The following GHR variants were observed in gnomAD, a reference collection of about 807,000 sequenced individuals.
The protein encoded by GHR is growth hormone receptor.
Under a neutral mutation model 67.1 loss-of-function variants are expected in GHR, and 35 were observed. That is an observed-to-expected ratio of 0.52 (90% CI 0.40 to 0.69). GHR has a LOEUF of 0.69. GHR is among the 30% of genes least tolerant of loss of function. The pLI, the probability that GHR is intolerant of heterozygous loss-of-function variation, is 0.00. For missense variants in GHR, 792 were observed against 764.6 expected (o/e 1.04, Z -0.42); for synonymous variants, 272 against 269.1 (o/e 1.01, Z -0.10).
chr5:42,503,420 G>C (rs892980025), intron 1 of GHR, among the ~76,000 whole-genome samples: 26 of 152,180 alleles, frequency 1.7e-4, no homozygotes, highest in African/African-American at 6.3e-4. Flanking sequence ...ATTCATCCTG[G>C]ATTTTAAGGT....
intron 1 of GHR, among the ~76,000 whole-genome samples, chr5:42,482,331 G>T (rs1027086185): frequency 6.6e-6 from 1 of 152,186 alleles, no homozygotes; most frequent in Non-Finnish European, 1.5e-5. Context: ...AGGGGTCAGG[G>T]ACCCACTTGA....
intron 1 of GHR, among the ~76,000 whole-genome samples, chr5:42,448,008 C>A (rs1427994419): frequency 6.6e-6 from 1 of 151,976 alleles, no homozygotes; most frequent in African/African-American, 2.4e-5. Flanking sequence ...GTGATCCACC[C>A]ACCTCAGTCT....
At chr5:42,678,967 T>C (rs1302083334) in intron 3 of GHR, among the ~76,000 whole-genome samples, 1 of 147,076 alleles carries the variant, frequency 6.8e-6, no homozygotes, top group Non-Finnish European at 1.5e-5. Context: ...TAAATGTAAA[T>C]ATATATTTAT....
At chr5:42,696,010 C>A (rs1757655769) in intron 5 of GHR, among the ~76,000 whole-genome samples, 1 of 152,148 alleles carries the variant, frequency 6.6e-6, no homozygotes, top group South Asian at 2.1e-4. Flanking sequence ...CTGTATCAAG[C>A]AGTAAAGATA....
chr5:42,653,080 A>G (rs1364029621), intron 3 of GHR, among the ~76,000 whole-genome samples: 2 of 152,150 alleles, frequency 1.3e-5, no homozygotes, highest in Admixed American at 6.5e-5. Flanking sequence ...ACCATATACT[A>G]AAAGATGTCA....
intron 2 of GHR, among the ~76,000 whole-genome samples, chr5:42,577,688 T>C (rs1047639302): frequency 1.3e-5 from 2 of 152,216 alleles, no homozygotes; most frequent in Non-Finnish European, 2.9e-5. Flanking sequence ...GCTGAACTTA[T>C]ACATTTTGTA....
At chr5:42,654,943 A>T (rs900481674) in intron 3 of GHR, among the ~76,000 whole-genome samples, 1 of 152,052 alleles carries the variant, frequency 6.6e-6, no homozygotes, top group African/African-American at 2.4e-5. Context: ...GTAAATTATC[A>T]TGGCCTTGAA....
intron 3 of GHR, among the ~76,000 whole-genome samples, chr5:42,650,204 CAA>C (rs1171612604): frequency 2.0e-5 from 3 of 152,174 alleles, no homozygotes; most frequent in South Asian, 2.1e-4. Context: ...TGATGTTGCT[CAA>C]AGTCACATAA....
At chr5:42,455,981 G>T (rs1226506586) in intron 1 of GHR, among the ~76,000 whole-genome samples, 1 of 152,174 alleles carries the variant, frequency 6.6e-6, no homozygotes, top group East Asian at 1.9e-4. Context: ...TTCAACTTTG[G>T]CTGTATATTA....
At chr5:42,601,155 G>A (rs972067013) in intron 2 of GHR, among the ~76,000 whole-genome samples, 1 of 151,826 alleles carries the variant, frequency 6.6e-6, no homozygotes, top group African/African-American at 2.4e-5. Context: ...TTGAATTCCC[G>A]ACTTGAGGTG....
chr5:42,440,886 T>G (rs1176415838), intron 1 of GHR, among the ~76,000 whole-genome samples: 2 of 152,242 alleles, frequency 1.3e-5, no homozygotes, highest in Non-Finnish European at 2.9e-5. Flanking sequence ...CTTCTTCAAC[T>G]GAGTGGAAAA....
rs6886303 is a variant in GHR at position 42,568,226 on chromosome 5, T to C, written c.70+2282T>C. ...TAGAAATATACTGGCCCTGAAAGGA[T>C]TTTTTTTTATTAAATCTAATTGCCC... On this transcript the variant is annotated intron_variant, in intron 2 of 9. Transcript: ENST00000230882. Among the ~76,000 whole-genome samples, 1,488 of 151,664 alleles carry C rather than the reference T, an allele frequency of 9.8e-3. 23 individuals are homozygous for C. Among genetic ancestry groups the C allele is most frequent in the African/African-American group, 0.035 (1,435 of 41,346 alleles).
chr5:42,678,989 A>C (rs1432799762), intron 3 of GHR, among the ~76,000 whole-genome samples: 2 of 146,764 alleles, frequency 1.4e-5, no homozygotes, highest in South Asian at 2.1e-4. Context: ...TTAATAATAT[A>C]ATTAATATGA....
chr5:42,463,885 T>C (rs370851078), intron 1 of GHR, among the ~76,000 whole-genome samples: 1 of 143,230 alleles, frequency 7.0e-6, no homozygotes, highest in Non-Finnish European at 1.5e-5. Context: ...CCCAGCTACT[T>C]GGGAGGCTGA....
intron 3 of GHR, among the ~76,000 whole-genome samples, chr5:42,653,524 G>A (rs1316861451): frequency 2.6e-5 from 4 of 152,086 alleles, no homozygotes; most frequent in Admixed American, 1.3e-4. Flanking sequence ...TATGGGCATG[G>A]TAACAAATGT....
intron 1 of GHR, among the ~76,000 whole-genome samples, chr5:42,451,719 A>AAT (rs397997553): frequency 6.6e-6 from 1 of 150,700 alleles, no homozygotes; most frequent in Non-Finnish European, 1.5e-5. Flanking sequence ...AAAAAAAAAA[A>AAT]CCTACTCCTG....
At chr5:42,602,338 A>AG (rs1248029329) in intron 2 of GHR, among the ~76,000 whole-genome samples, 1 of 152,076 alleles carries the variant, frequency 6.6e-6, no homozygotes, top group African/African-American at 2.4e-5. Flanking sequence ...TGAAAATGGG[A>AG]GGGGGGCCGT....
chr5:42,439,454 C>T (rs571052657), intron 1 of GHR, among the ~76,000 whole-genome samples: 1 of 152,318 alleles, frequency 6.6e-6, no homozygotes, highest in Non-Finnish European at 1.5e-5. Flanking sequence ...TCTTGGTTTG[C>T]TCTACCTGAC....
intron 1 of GHR, among the ~76,000 whole-genome samples, chr5:42,459,530 G>C (rs1744399093): frequency 6.6e-6 from 1 of 152,242 alleles, no homozygotes; most frequent in East Asian, 1.9e-4. Context: ...AGGGAGGGAA[G>C]AGGATGAGGA....
Sources: allele counts gnomAD v4.1 joint callset (sites outside exome capture counted in the v4.1 genomes callset), GRCh38; gene constraint gnomAD v4.1.1; transcripts MANE v1.5; gene names NCBI Gene and HGNC (gene_info 2026-07-23, HGNC 2026-07-21).